Variants in CACNA2D3 observed in about 807,000 individuals in gnomAD.
The protein encoded by CACNA2D3 is voltage-dependent calcium channel subunit alpha-2/delta-3.
In CACNA2D3, 60 loss-of-function variants were observed where a neutral mutation model predicts 160.6. The ratio of observed to expected loss-of-function variants is 0.37; its 90% CI spans 0.30 to 0.46. CACNA2D3 has a LOEUF of 0.46. Among genes scored for constraint, CACNA2D3 ranks in the 20% least tolerant of loss-of-function variants. The probability of loss-of-function intolerance (pLI) is 1.00; values close to 1 mark genes in which losing one functional copy is unlikely to be tolerated. For missense variants in CACNA2D3, 1,205 were observed against 1,365.0 expected (o/e 0.88, Z 1.85); for synonymous variants, 558 against 492.9 (o/e 1.13, Z -1.75).
intron 3 of CACNA2D3, among the ~76,000 whole-genome samples, chr3:54,381,976 T>G (rs1699110480): frequency 6.6e-6 from 1 of 152,232 alleles, no homozygotes; most frequent in Non-Finnish European, 1.5e-5. Flanking sequence ...ATTGTTATCA[T>G]TTTTATTGAG....
At chr3:54,861,705 T>C (rs1423130548) in intron 17 of CACNA2D3, among the ~76,000 whole-genome samples, 1 of 152,244 alleles carries the variant, frequency 6.6e-6, no homozygotes, top group Non-Finnish European at 1.5e-5. Context: ...AAGATTGATA[T>C]GATCCAATTC....
chr3:55,030,468 C>G (rs144126558), intron 35 of CACNA2D3, among the ~76,000 whole-genome samples: 1,755 of 152,212 alleles, frequency 0.012, 36 homozygotes, highest in African/African-American at 0.039. Context: ...AATGAATATC[C>G]TAATTAGTGC....
chr3:54,903,066 TA>T (rs1700374878), intron 27 of CACNA2D3, among the ~76,000 whole-genome samples: 1 of 152,208 alleles, frequency 6.6e-6, no homozygotes. Flanking sequence ...TATTTAACTT[TA>T]TTTTAAGTTC....
At chr3:54,471,597 A>G (rs1160066081) in intron 4 of CACNA2D3, among the ~76,000 whole-genome samples, 2 of 152,178 alleles carry the variant, frequency 1.3e-5, no homozygotes, top group Non-Finnish European at 2.9e-5. Flanking sequence ...CTTCAAAATA[A>G]TCAGTGAATC....
chr3:54,715,338 A>G (rs1701033230), intron 11 of CACNA2D3, among the ~76,000 whole-genome samples: 1 of 152,168 alleles, frequency 6.6e-6, no homozygotes, highest in Admixed American at 6.5e-5. Context: ...AAGGGGCACC[A>G]CGGAGCTCCC....
At chr3:54,961,471 T>G (rs921112048) in intron 27 of CACNA2D3, among the ~76,000 whole-genome samples, 1 of 152,260 alleles carries the variant, frequency 6.6e-6, no homozygotes, top group Non-Finnish European at 1.5e-5. Context: ...ACTACAATTT[T>G]CTACTATATT....
At chr3:54,491,358 G>A (rs367849031) in intron 4 of CACNA2D3, among the ~76,000 whole-genome samples, 1 of 152,220 alleles carries the variant, frequency 6.6e-6, no homozygotes, top group Non-Finnish European at 1.5e-5. Flanking sequence ...AGCCCTTTGC[G>A]GTGGCACCTT....
rs554307377 is a variant in CACNA2D3 at position 54,488,531 on chromosome 3, C to T, written c.382-14961C>T. Among the ~76,000 whole-genome samples, 7 of 152,202 alleles carry T rather than the reference C, an allele frequency of 4.6e-5. No homozygotes were observed. The South Asian group carries it at 1.5e-3, about 32-fold the overall frequency. On this transcript the variant is annotated intron_variant, in intron 4 of 37. Transcript: ENST00000474759. ...GGCCCTTGGACTCTACACAGTTCCC[C>T]TAACAGTCCATCCTGACTCTCTAGG...
At chr3:54,284,540 A>G (rs552219419) in intron 2 of CACNA2D3, among the ~76,000 whole-genome samples, 9 of 152,296 alleles carry the variant, frequency 5.9e-5, no homozygotes, top group Admixed American at 3.3e-4. Context: ...TTCAAATTCA[A>G]TCTACTAAAG....
At chr3:54,849,533 A>C (rs1699010123) in intron 17 of CACNA2D3, among the ~76,000 whole-genome samples, 1 of 152,198 alleles carries the variant, frequency 6.6e-6, no homozygotes, top group Admixed American at 6.5e-5. Flanking sequence ...TTGGAAATCC[A>C]GTGTCTTCAT....
intron 3 of CACNA2D3, among the ~76,000 whole-genome samples, chr3:54,354,940 G>C (rs1237823775): frequency 6.6e-6 from 1 of 152,288 alleles, no homozygotes; most frequent in East Asian, 1.9e-4. Context: ...TTGAAGGATG[G>C]CTTATGCGTT....
chr3:55,052,216 C>G (rs1442502672), intron 35 of CACNA2D3, among the ~76,000 whole-genome samples: 1 of 152,098 alleles, frequency 6.6e-6, no homozygotes, highest in South Asian at 2.1e-4. Flanking sequence ...CTGTATCGTT[C>G]ATTTGAAAAT....
At chr3:54,167,283 C>G (rs1163560616) in intron 2 of CACNA2D3, among the ~76,000 whole-genome samples, 2 of 152,170 alleles carry the variant, frequency 1.3e-5, no homozygotes, top group African/African-American at 2.4e-5. Flanking sequence ...TCAGTCAAGC[C>G]ATGTTCAATG....
At chr3:54,923,597 A>G (rs1200122670) in intron 27 of CACNA2D3, among the ~76,000 whole-genome samples, 1 of 152,224 alleles carries the variant, frequency 6.6e-6, no homozygotes, top group Non-Finnish European at 1.5e-5. Context: ...CCAGAATGGA[A>G]TCTCTGTGAT....
chr3:54,907,759 C>T lies in CACNA2D3; in HGVS notation c.2449+7891C>T, dbSNP rs188734329. ...GTTCGCAAACTACAGCTCTAGGAAA[C>T]CACTCGTGTGCTTTCTCTATGGATT... On this transcript the variant is annotated intron_variant, in intron 27 of 37. Coordinates refer to ENST00000474759, the MANE Select transcript of CACNA2D3 (RefSeq NM_018398.3). 5.3e-5 allele frequency among the ~76,000 whole-genome samples: 8 copies of T among 152,188 alleles called. No individual in the cohort carries two copies. The East Asian group carries it at 1.4e-3, about 26-fold the overall frequency.
In CACNA2D3 at chr3:54,127,942, T is replaced by C. The variant is rs376576507; in HGVS notation, c.204+4348T>C. Among the ~76,000 whole-genome samples, 16 of 152,224 alleles carry C rather than the reference T, an allele frequency of 1.1e-4. No individual in the cohort carries two copies. The East Asian group carries it at 1.7e-3, about 17-fold the overall frequency. On this transcript the variant is annotated intron_variant, in intron 2 of 37. Transcript: ENST00000474759. ...TTCTTTTCCTTTAACTTGTTTTTTT[T>C]CTCCTTAAAATTTCTTTTCTGCCAG...
chr3:54,347,764 C>T (rs890219606), intron 3 of CACNA2D3, among the ~76,000 whole-genome samples: 2 of 152,076 alleles, frequency 1.3e-5, no homozygotes, highest in Admixed American at 6.6e-5. Context: ...AGGCTCCTCT[C>T]AGTCCTATCC....
intron 4 of CACNA2D3, among the ~76,000 whole-genome samples, chr3:54,390,583 GTGAACTCCTCTA>G (rs1699262202): frequency 6.6e-6 from 1 of 152,214 alleles, no homozygotes; most frequent in Non-Finnish European, 1.5e-5. Context: ...TCCGACCTCA[GTGAACTCCTCTA>G]TGGGTCAAAG....
intron 29 of CACNA2D3, among the ~76,000 whole-genome samples, chr3:54,971,124 A>G (rs954450471): frequency 6.6e-6 from 1 of 152,022 alleles, no homozygotes; most frequent in Non-Finnish European, 1.5e-5. Flanking sequence ...AAAAAAAAAA[A>G]GCCAGTCAGC....
Sources: allele counts gnomAD v4.1 joint callset (sites outside exome capture counted in the v4.1 genomes callset), GRCh38; gene constraint gnomAD v4.1.1; transcripts MANE v1.5; gene names NCBI Gene and HGNC (gene_info 2026-07-23, HGNC 2026-07-21).